The following LTBP4 variants were observed in gnomAD, a reference collection of about 807,000 sequenced individuals.
LTBP4 encodes latent transforming growth factor beta binding protein 4.
LTBP4 carries 93 observed loss-of-function variants against 180.2 expected under a neutral mutation model. The ratio of observed to expected loss-of-function variants is 0.52; its 90% CI spans 0.44 to 0.61. The LOEUF (loss-of-function observed/expected upper bound fraction) is 0.61. Among genes scored for constraint, LTBP4 ranks in the 20% least tolerant of loss-of-function variants. The pLI, the probability that LTBP4 is intolerant of heterozygous loss-of-function variation, is 0.00. For synonymous variants in LTBP4, 947 were observed against 934.5 expected (o/e 1.01, Z -0.24); for missense variants, 2,116 against 2,256.5 (o/e 0.94, Z 1.26).
At chr19:40,606,568 C>CT in intron 6 of LTBP4, 42 bp downstream of exon 6, 1 of 1,538,348 alleles carries the variant, frequency 6.5e-7, no homozygotes, top group South Asian at 1.2e-5. Flanking sequence ...CCCGCCCTCC[C>CT]TGCCCTCAGA....
At position 40,613,864 on chromosome 19, in the gene LTBP4, A is replaced by C. The variant is rs773832486; in HGVS notation, c.2558-52A>C. ...GGGCGGTGGAGGGGTGTGGCCTAGAATGTTAGGCGGAGCGGGAGGTGGGCC... is the reference window on the plus strand; with the variant it reads ...GGGCGGTGGAGGGGTGTGGCCTAGACTGTTAGGCGGAGCGGGAGGTGGGCC... On this transcript the variant is annotated intron_variant, in intron 17 of 29. Coordinates refer to ENST00000396819, the MANE Select transcript of LTBP4 (RefSeq NM_001042545.2). This position sits in a 1 kb window ranked among gnomAD's most constrained non-coding sequence, Gnocchi z 5.0. 6.2e-7 allele frequency: 1 copy of C among 1,611,062 alleles called. No homozygotes were observed. The highest frequency in any genetic ancestry group is 1.1e-5 in the South Asian group (1 of 90,818).
chr19:40,613,631 CG>C lies in LTBP4; in HGVS notation c.2557+106del, dbSNP rs1344096892. On this transcript the variant is annotated intron_variant, in intron 17 of 29. Coordinates refer to ENST00000396819, the MANE Select transcript of LTBP4 (RefSeq NM_001042545.2). This position sits in a 1 kb window ranked among gnomAD's most constrained non-coding sequence, Gnocchi z 5.0. Reference sequence around the variant, plus strand: ...GAAAAGGGGAAAACGAGTTTTTAGCCGGGGTATTCCAGCAGGATCAGGGGGC... The same window carrying C: ...GAAAAGGGGAAAACGAGTTTTTAGCCGGGTATTCCAGCAGGATCAGGGGGC... 1.3e-6 allele frequency: 2 copies of C among 1,513,438 alleles called. No homozygotes were observed. Among genetic ancestry groups the C allele is most frequent in the Non-Finnish European group, 1.8e-6 (2 of 1,126,872 alleles). The allele number at this position is 1,513,438 out of a possible 1,614,324, so 93.8% of individuals were successfully genotyped here.
rs1355690028 is a variant in LTBP4 at position 40,613,394 on chromosome 19, C to T, written c.2432-10C>T. 6.2e-7 allele frequency: 1 copy of T among 1,604,596 alleles called. No homozygotes were observed. On this transcript the variant is annotated splice_polypyrimidine_tract_variant and intron_variant, in intron 16 of 29. Transcript: ENST00000396819. This position sits in a 1 kb window ranked among gnomAD's most constrained non-coding sequence, Gnocchi z 5.0. ...TCCCGTGACTCCGCCCAATCTCCCGCGTACCCTAGACGTGAACGAGTGCCT... is the reference window on the plus strand; with the variant it reads ...TCCCGTGACTCCGCCCAATCTCCCGTGTACCCTAGACGTGAACGAGTGCCT...
intron 6 of LTBP4, among the ~76,000 whole-genome samples, chr19:40,607,114 C>A (rs181506883): frequency 2.6e-4 from 39 of 152,308 alleles, no homozygotes; most frequent in African/African-American, 8.7e-4. Flanking sequence ...AACGACTCGA[C>A]TATCTTCAGA....
chr19:40,617,251 G>T, intron 21 of LTBP4, 26 bp downstream of exon 21: 2 of 1,602,470 alleles, frequency 1.2e-6, no homozygotes, highest in South Asian at 1.1e-5. Flanking sequence ...AGGTGGATGG[G>T]ACCAAAGGGG....
chr19:40,599,130 G>A (rs1377963385), upstream of LTBP4: 19 of 1,460,408 alleles, frequency 1.3e-5, no homozygotes, highest in Non-Finnish European at 1.7e-5. Context: ...TCCCCTCCCC[G>A]ATTGCCCTCC....
chr19:40,606,672 G>A (rs936653970), intron 6 of LTBP4, 146 bp downstream of exon 6: 2 of 1,002,674 alleles, frequency 2.0e-6, no homozygotes, highest in East Asian at 5.3e-5. Flanking sequence ...GAACTTCTCA[G>A]ATTCTTATAC....
In LTBP4 at chr19:40,611,303, T is replaced by C. The variant is rs951078984; in HGVS notation, c.1962T>C (p.Cys654=). The part of the protein sequence containing the change: ...VDECAQEPPP[C]GPGRCDNTAG... ...AGTGTGCCCAGGAGCCGCCGCCCTG[T>C]GGGCCCGGCCGCTGTGACAACACGG... The change falls in exon 13 of 30, where the codon TGT becomes TGC. Residue 654 remains cysteine (C), a synonymous_variant. Coordinates refer to ENST00000396819, the MANE Select transcript of LTBP4 (RefSeq NM_001042545.2). This position sits in a 1 kb window ranked among gnomAD's most constrained non-coding sequence, Gnocchi z 4.4. 6.2e-7 allele frequency: 1 copy of C among 1,611,628 alleles called. No individual in the cohort carries two copies.
In LTBP4 at chr19:40,611,335, C is replaced by G; in HGVS notation, c.1994C>G (p.Ser665Cys). ...GPGRCDNTAG[S>C]FHCACPAGFR... ...GGCCGCTGTGACAACACGGCAGGCT[C>G]CTTTCACTGTGCCTGCCCTGCTGGC... Residue 665 changes from serine to cysteine, a missense_variant, in exon 13 of 30, where the codon TCC becomes TGC. By Grantham distance (112) the Ser-to-Cys change is moderately radical. This residue lies in a region of LTBP4 where 877 missense variants were observed against 873.6 expected (regional missense o/e 1.00). Transcript: ENST00000396819. The surrounding 1 kb of genome is among the most constrained non-coding windows in gnomAD (Gnocchi z 4.4). 6.2e-7 allele frequency: 1 copy of G among 1,611,948 alleles called. No individual in the cohort carries two copies. Among genetic ancestry groups the G allele is most frequent in the Non-Finnish European group, 8.5e-7 (1 of 1,179,632 alleles).
At position 40,617,103 on chromosome 19, in the gene LTBP4, T is replaced by G; in HGVS notation, c.2948T>G (p.Val983Gly). The G allele has an allele frequency of 6.2e-7, 1 of 1,614,024 alleles. No homozygotes were observed. Residue 983 changes from valine (V) to glycine (G), a missense_variant, in exon 21 of 30, where the codon GTG (valine) becomes GGG (glycine). This residue lies in a region of LTBP4 where 877 missense variants were observed against 873.6 expected (regional missense o/e 1.00). Transcript: ENST00000396819. ...QPTPGGGCQD[V>G]DECRNRSFCG... ...CCTGACTGTCTGGTGGTTGCAGATG[T>G]GGACGAATGCCGGAACCGGTCCTTC...
At position 40,623,710 on chromosome 19, in the gene LTBP4, C is replaced by T. The variant is rs766056536; in HGVS notation, c.3663C>T (p.His1221=). The T allele has an allele frequency of 5.6e-6, 9 of 1,613,840 alleles. No individual in the cohort carries two copies. In the East Asian group the frequency reaches 1.8e-4, roughly 32 times the overall value. ...SCYCSNGYYY[H]TQRLECIDND... The stretch of plus-strand genomic sequence containing the variant: ...ATTGCAGCAACGGCTACTACTACCA[C>T]ACACAGCGGCTGGAGTGCATCGGTA... Residue 1221 remains histidine (H), a synonymous_variant, in exon 25 of 30, where the codon CAC becomes CAT. Coordinates refer to ENST00000396819, the MANE Select transcript of LTBP4 (RefSeq NM_001042545.2).
Position 40,622,107 on chromosome 19 carries a change from C to T in LTBP4, c.3218-294C>T, listed in dbSNP as rs1309278814. Among the ~76,000 whole-genome samples the T allele has an allele frequency of 6.6e-6, 1 of 152,136 alleles. No individual in the cohort carries two copies. The highest frequency in any genetic ancestry group is 1.5e-5 in the Non-Finnish European group (1 of 68,036). Reference sequence around the variant, plus strand: ...AGTTTGCCACACACTGGATAAGAGACCCAGAGAGGCATCCAGGAAGCCAGG... The same window carrying T: ...AGTTTGCCACACACTGGATAAGAGATCCAGAGAGGCATCCAGGAAGCCAGG... On this transcript the variant is annotated intron_variant, in intron 22 of 29. Coordinates refer to ENST00000396819, the MANE Select transcript of LTBP4 (RefSeq NM_001042545.2). This position sits in a 1 kb window ranked among gnomAD's most constrained non-coding sequence, Gnocchi z 5.1.
chr19:40,602,183 G>GT (rs1568401445), intron 1 of LTBP4, among the ~76,000 whole-genome samples: 94 of 143,108 alleles, frequency 6.6e-4, no homozygotes, highest in Middle Eastern at 3.7e-3. Context: ...GTGTGTGTGT[G>GT]GCGGCGGGGG....
intron 5 of LTBP4, 30 bp downstream of exon 5, chr19:40,606,337 G>A (rs771896554): frequency 1.9e-5 from 30 of 1,600,910 alleles, no homozygotes; most frequent in Admixed American, 1.5e-4. Flanking sequence ...GGAGGGGCTT[G>A]GTTCTGGGGG....
intron 7 of LTBP4, among the ~76,000 whole-genome samples, chr19:40,607,774 T>C (rs1262909600): frequency 6.6e-6 from 1 of 152,228 alleles, no homozygotes; most frequent in Non-Finnish European, 1.5e-5. Flanking sequence ...AGTTAGTTTT[T>C]GTCTCCTGAG....
chr19:40,613,217 C>T lies in LTBP4; in HGVS notation c.2431+21C>T. 6.4e-7 allele frequency: 1 copy of T among 1,556,896 alleles called. No individual in the cohort carries two copies. The highest frequency in any genetic ancestry group is 1.2e-5 in the South Asian group (1 of 84,916). ...CGCAGGTGAGCAGCATAGGGACCCG[C>T]CAGAGAGTCTGGGAGTAGGGCCTGG... is the stretch of plus-strand genomic sequence containing the variant. On this transcript the variant is annotated intron_variant, in intron 16 of 29. Transcript: ENST00000396819. The surrounding 1 kb of genome is among the most constrained non-coding windows in gnomAD (Gnocchi z 5.0).
At chr19:40,604,323 T>G (rs1357389213) in intron 1 of LTBP4, among the ~76,000 whole-genome samples, 1 of 151,338 alleles carries the variant, frequency 6.6e-6, no homozygotes, top group Admixed American at 6.6e-5. Context: ...AGAGGGAGTG[T>G]GGGCGGGCAT....
chr19:40,597,254 G>A, upstream of LTBP4: 2 of 1,508,114 alleles, frequency 1.3e-6, no homozygotes, highest in Non-Finnish European at 1.8e-6. Context: ...CCTGGCACCA[G>A]CGGCCGCCGC....
chr19:40,597,242 G>A (rs1436943077), upstream of LTBP4: 2 of 1,504,686 alleles, frequency 1.3e-6, no homozygotes, highest in African/African-American at 2.9e-5. Flanking sequence ...ACGATGCCGA[G>A]GCCTGGCACC....
Sources: gnomAD v4.1 joint callset for allele counts (sites outside exome capture counted in the v4.1 genomes callset) on GRCh38, gnomAD v4.1.1 for gene constraint, gnomAD v4.1.1 regional missense constraint, Gnocchi (gnomAD v3.1) non-coding constraint, MANE v1.5 for transcripts, NCBI Gene and HGNC (gene_info 2026-07-23, HGNC 2026-07-21) for gene names.